Variants in FGD4 observed in about 807,000 individuals in gnomAD.
The protein encoded by FGD4 is FYVE, RhoGEF and PH domain containing 4, also known as FYVE, RhoGEF and PH domain-containing protein 4.
FGD4 carries 42 observed loss-of-function variants against 102.0 expected under a neutral mutation model. The ratio of observed to expected loss-of-function variants is 0.41; its 90% CI spans 0.32 to 0.53. The LOEUF (loss-of-function observed/expected upper bound fraction) is 0.53, where lower values mean the gene tolerates loss of function less well. FGD4 is among the 20% of genes least tolerant of loss of function. The pLI is 0.21. For synonymous variants in FGD4, 380 were observed against 375.7 expected (o/e 1.01, Z -0.13); for missense variants, 902 against 1,078.2 (o/e 0.84, Z 2.29).
At chr12:32,563,939 G>A (rs1366409251) in intron 1 of FGD4, among the ~76,000 whole-genome samples, 198 bp from the exon 2 acceptor site, 1 of 148,534 alleles carries the variant, frequency 6.7e-6, no homozygotes, top group Admixed American at 6.7e-5. Flanking sequence ...GCAGTGAGCC[G>A]AGATGGCAGC....
intron 3 of FGD4, among the ~76,000 whole-genome samples, chr12:32,580,482 CGA>C: frequency 1.3e-5 from 2 of 152,244 alleles, no homozygotes; most frequent in South Asian, 4.2e-4. Flanking sequence ...GCAACCTCAC[CGA>C]GTTTTAGTTG....
At chr12:32,408,551 C>G (rs1941054339) in intron 1 of FGD4, among the ~76,000 whole-genome samples, 1 of 152,162 alleles carries the variant, frequency 6.6e-6, no homozygotes, top group African/African-American at 2.4e-5. Context: ...GATCCACCTG[C>G]CTCGACCTCA....
intron 1 of FGD4, among the ~76,000 whole-genome samples, chr12:32,460,427 T>C (rs1305538672): frequency 6.6e-6 from 1 of 151,494 alleles, no homozygotes; most frequent in Non-Finnish European, 1.5e-5. Context: ...ATGCTTGAGG[T>C]TGGAGGATAC....
Position 32,552,433 on chromosome 12 carries a change from C to CTT in FGD4, c.167-11704_167-11703insTT, listed in dbSNP as rs1943744702. 9.7e-4 allele frequency among the ~76,000 whole-genome samples: 82 copies of CTT among 84,852 alleles called. 5 individuals carry two copies. The South Asian group carries it at 0.022, about 22-fold the overall frequency. The allele number at this position is 84,852 out of a possible 152,430, so 55.7% of individuals were successfully genotyped here. On this transcript the variant is annotated intron_variant, in intron 1 of 16. Transcript: ENST00000534526. ...CGCCGCCATGCCCGACTAATTTTTG[C>CTT]ATTTTTTTTTTTTTTTTTTTTTTTT...
chr12:32,500,378 CTTATTTTATTTTATTTTTATT>C (rs1938105878), intron 1 of FGD4, among the ~76,000 whole-genome samples: 2 of 148,566 alleles, frequency 1.3e-5, no homozygotes, highest in Admixed American at 6.7e-5. Context: ...TCTTTCTGAC[CTTATTTTATTTTATTTTTATT>C]TTATTTTATT....
chr12:32,594,095 CAG>C (rs1048200957), intron 4 of FGD4, among the ~76,000 whole-genome samples: 56 of 152,150 alleles, frequency 3.7e-4, no homozygotes, highest in African/African-American at 1.2e-3. Context: ...GTGGTTATAT[CAG>C]AGGTCCTCAG....
chr12:32,436,019 G>A lies in FGD4; in HGVS notation c.166+36060G>A, dbSNP rs187627637. Among the ~76,000 whole-genome samples, 222 of 152,256 alleles carry A rather than the reference G, an allele frequency of 1.5e-3. 1 individual carries two copies. Among genetic ancestry groups the A allele is most frequent in the Middle Eastern group, 3.4e-3 (1 of 294 alleles). ...GGACATAAGGTTATCCTCACTCAAC[G>A]GAAGGACATATCTGCTGTCGGGGGA... On this transcript the variant is annotated intron_variant, in intron 1 of 16. Coordinates refer to ENST00000534526, the MANE Select transcript of FGD4 (RefSeq NM_001370298.3).
chr12:32,512,095 A>G lies in FGD4; in HGVS notation c.167-52042A>G, dbSNP rs374470595. ...TTTTTTGTGATGCTTCTCAACTTCT[A>G]AACAAATTCTGGTGAGTGATCCTAA... On this transcript the variant is annotated intron_variant, in intron 1 of 16. Transcript: ENST00000534526. Among the ~76,000 whole-genome samples the G allele has an allele frequency of 7.2e-5, 11 of 152,142 alleles. No individual in the cohort carries two copies. The South Asian group carries it at 8.3e-4, about 11-fold the overall frequency.
intron 5 of FGD4, among the ~76,000 whole-genome samples, chr12:32,599,371 G>A (rs1221099080): frequency 7.0e-6 from 1 of 142,236 alleles, no homozygotes; most frequent in Admixed American, 7.1e-5. Flanking sequence ...GCGGGCGCCT[G>A]TAGTCCCAGC....
chr12:32,413,795 C>T (rs534923276), intron 1 of FGD4, among the ~76,000 whole-genome samples: 1 of 152,224 alleles, frequency 6.6e-6, no homozygotes, highest in Non-Finnish European at 1.5e-5. Flanking sequence ...CAGAATAAAC[C>T]TTAAATATTT....
At chr12:32,529,656 A>G (rs1456354063) in intron 1 of FGD4, among the ~76,000 whole-genome samples, 1 of 151,518 alleles carries the variant, frequency 6.6e-6, no homozygotes, top group East Asian at 2.0e-4. Context: ...CAGCCTGACC[A>G]ACATGGTGAA....
intron 1 of FGD4, among the ~76,000 whole-genome samples, chr12:32,416,417 TTTCTTTCC>T (rs1565727620): frequency 2.0e-5 from 3 of 151,966 alleles, no homozygotes; most frequent in South Asian, 4.1e-4. Flanking sequence ...TCTTCTCTTC[TTTCTTTCC>T]TTCTTTCCTG....
At chr12:32,528,873 G>A (rs1941519965) in intron 1 of FGD4, among the ~76,000 whole-genome samples, 2 of 152,138 alleles carry the variant, frequency 1.3e-5, no homozygotes, top group Admixed American at 1.3e-4. Flanking sequence ...TTTGGATTTG[G>A]AGGCCAGCTG....
chr12:32,423,591 C>CAAAAA (rs35872227), intron 1 of FGD4, among the ~76,000 whole-genome samples: 1 of 72,828 alleles, frequency 1.4e-5, no homozygotes, highest in African/African-American at 4.2e-5. Flanking sequence ...GACTTCATCT[C>CAAAAA]AAAAAAAAAA....
chr12:32,429,878 C>A (rs1286199859), intron 1 of FGD4, among the ~76,000 whole-genome samples: 1 of 152,060 alleles, frequency 6.6e-6, no homozygotes, highest in Non-Finnish European at 1.5e-5. Flanking sequence ...CTGCTTCTTA[C>A]CATGTTTTAT....
At chr12:32,625,536 C>T in intron 13 of FGD4, 118 bp from the exon 14 acceptor site, 1 of 1,325,468 alleles carries the variant, frequency 7.5e-7, no homozygotes, top group South Asian at 1.3e-5. Flanking sequence ...TCCGAAAGTG[C>T]TGGGATTATA....
At chr12:32,423,727 A>C (rs1941736436) in intron 1 of FGD4, among the ~76,000 whole-genome samples, 1 of 152,056 alleles carries the variant, frequency 6.6e-6, no homozygotes, top group African/African-American at 2.4e-5. Context: ...CAAGGGATGC[A>C]TTATTCATGA....
At chr12:32,591,831 G>A (rs1418574799) in intron 4 of FGD4, among the ~76,000 whole-genome samples, 1 of 152,200 alleles carries the variant, frequency 6.6e-6, no homozygotes, top group Admixed American at 6.5e-5. Flanking sequence ...AGCCCAGAGA[G>A]AAAGGAGCAG....
rs925070628 is a variant in FGD4, at chr12:32,434,379, A to T, written c.166+34420A>T. Reference sequence around the variant, plus strand: ...ATTATCCTGTGATTGGAGAACGAAGACTCAGGTGAGCAGTAATAGTTTTAA... The same window carrying T: ...ATTATCCTGTGATTGGAGAACGAAGTCTCAGGTGAGCAGTAATAGTTTTAA... On this transcript the variant is annotated intron_variant, in intron 1 of 16. Coordinates refer to ENST00000534526, the MANE Select transcript of FGD4 (RefSeq NM_001370298.3). 7.9e-5 allele frequency among the ~76,000 whole-genome samples: 12 copies of T among 152,182 alleles called. 1 individual carries two copies. Among genetic ancestry groups the T allele is most frequent in the African/African-American group, 2.9e-4 (12 of 41,448 alleles).
Sources: gnomAD v4.1 joint callset for allele counts (sites outside exome capture counted in the v4.1 genomes callset) on GRCh38, gnomAD v4.1.1 for gene constraint, MANE v1.5 for transcripts, NCBI Gene and HGNC (gene_info 2026-07-23, HGNC 2026-07-21) for gene names.